The following CCDC15 variants were observed in gnomAD, a reference collection of about 807,000 sequenced individuals.
CCDC15 encodes coiled-coil domain-containing protein 15.
CCDC15 carries 105 observed loss-of-function variants against 114.5 expected under a neutral mutation model. The ratio of observed to expected loss-of-function variants is 0.92; its 90% CI spans 0.78 to 1.08. The LOEUF is 1.08. Among genes scored for constraint, CCDC15 ranks in the 50% least tolerant of loss-of-function variants. CCDC15 has a pLI of 0.00. For missense variants in CCDC15, 1,105 were observed against 1,093.6 expected, an observed-to-expected ratio of 1.01 and a Z score of -0.15; for synonymous variants, 334 against 377.8, an observed-to-expected ratio of 0.88 and a Z score of 1.34.
intron 6 of CCDC15, 51 bp from the exon 7 acceptor site, chr11:124,986,691 T>TA: frequency 8.2e-7 from 1 of 1,221,884 alleles, no homozygotes; most frequent in South Asian, 1.7e-5. Flanking sequence ...GTGTGTGTGT[T>TA]TGTGTGTGTG....
At chr11:125,005,253 T>C (rs1948541770) in intron 13 of CCDC15, 41 bp downstream of exon 13, 2 of 896,896 alleles carry the variant, frequency 2.2e-6, no homozygotes, top group Middle Eastern at 2.3e-4. Flanking sequence ...AAATTGCCAA[T>C]TAAGATGTTT....
chr11:124,997,661 A>G (rs1213054793), intron 11 of CCDC15, among the ~76,000 whole-genome samples: 2 of 152,114 alleles, frequency 1.3e-5, no homozygotes, highest in East Asian at 3.9e-4. Flanking sequence ...GATACTGCCA[A>G]CTGGGCATGG....
chr11:125,036,949 C>T (rs1241284233), intron 13 of CCDC15, among the ~76,000 whole-genome samples: 1 of 152,186 alleles, frequency 6.6e-6, no homozygotes, highest in African/African-American at 2.4e-5. Flanking sequence ...GGTCACACAT[C>T]TGTGTCTCTC....
At chr11:125,021,601 G>A (rs911848234) in intron 13 of CCDC15, among the ~76,000 whole-genome samples, 2 of 151,790 alleles carry the variant, frequency 1.3e-5, no homozygotes, top group Non-Finnish European at 2.9e-5. Flanking sequence ...GGATCTTAAG[G>A]CCATATTGGA....
At chr11:125,025,426 G>A (rs1296346781) in intron 13 of CCDC15, among the ~76,000 whole-genome samples, 2 of 151,704 alleles carry the variant, frequency 1.3e-5, no homozygotes, top group East Asian at 1.9e-4. Context: ...GGTAATGCTG[G>A]CCTTATAGGA....
intron 13 of CCDC15, among the ~76,000 whole-genome samples, chr11:125,022,184 A>C (rs1948665136): frequency 6.6e-6 from 1 of 151,938 alleles, no homozygotes; most frequent in African/African-American, 2.4e-5. Flanking sequence ...TTTTAAAGTC[A>C]AGTGTGATGT....
At chr11:125,004,887 A>G (rs1948534586) in intron 12 of CCDC15, among the ~76,000 whole-genome samples, 1 of 152,118 alleles carries the variant, frequency 6.6e-6, no homozygotes. Flanking sequence ...TGGTTTGCCT[A>G]TTAACATATA....
At chr11:125,015,674 T>C (rs1049501453) in intron 13 of CCDC15, among the ~76,000 whole-genome samples, 1 of 152,088 alleles carries the variant, frequency 6.6e-6, no homozygotes, top group African/African-American at 2.4e-5. Context: ...AGGGAAAAAA[T>C]AACATAAAGT....
chr11:124,986,684 T>G, intron 6 of CCDC15, 58 bp from the exon 7 acceptor site: 1 of 1,395,432 alleles, frequency 7.2e-7, no homozygotes, highest in Non-Finnish European at 9.6e-7. Context: ...TGTGTGTGTG[T>G]GTGTGTTTGT....
intron 11 of CCDC15, among the ~76,000 whole-genome samples, chr11:124,997,035 A>G (rs746451856): frequency 2.0e-5 from 3 of 152,196 alleles, no homozygotes; most frequent in African/African-American, 7.2e-5. Flanking sequence ...TCTGAGATTC[A>G]TTCATATTGC....
chr11:124,954,508 G>T, intron 1 of CCDC15, 138 bp downstream of exon 1: 1 of 390,930 alleles, frequency 2.6e-6, no homozygotes, highest in Non-Finnish European at 4.8e-6. Context: ...TCTTCTAGAA[G>T]GCAACTTAAA....
At chr11:125,034,055 C>T (rs1286444134) in intron 13 of CCDC15, among the ~76,000 whole-genome samples, 2 of 152,172 alleles carry the variant, frequency 1.3e-5, no homozygotes, top group Non-Finnish European at 2.9e-5. Context: ...GGGGATAGCT[C>T]CTGAGGAGAA....
At chr11:124,965,634 A>C (rs1291102956) in intron 4 of CCDC15, among the ~76,000 whole-genome samples, 1 of 151,408 alleles carries the variant, frequency 6.6e-6, no homozygotes, top group Non-Finnish European at 1.5e-5. Flanking sequence ...TTGTGTCTCT[A>C]TCTCCTTCAG....
intron 4 of CCDC15, among the ~76,000 whole-genome samples, chr11:124,971,195 TGTTA>T (rs990257406): frequency 3.9e-5 from 6 of 152,190 alleles, no homozygotes; most frequent in African/African-American, 1.2e-4. Flanking sequence ...GGCAATGGTT[TGTTA>T]GTTAGGAAAA....
At chr11:125,032,780 A>C (rs139457645) in intron 13 of CCDC15, among the ~76,000 whole-genome samples, 3,155 of 152,226 alleles carry the variant, frequency 0.021, 110 homozygotes, top group African/African-American at 0.071. Flanking sequence ...TGACCACAGG[A>C]TGAGTCTGGG....
At chr11:124,955,106 A>G (rs189785125) in intron 2 of CCDC15, among the ~76,000 whole-genome samples, 197 bp downstream of exon 2, 87 of 152,370 alleles carry the variant, frequency 5.7e-4, no homozygotes, top group African/African-American at 1.9e-3. Context: ...GGCATAATCA[A>G]ATATTTATTA....
intron 13 of CCDC15, 52 bp downstream of exon 13, chr11:125,005,264 T>C (rs1377077810): frequency 3.8e-6 from 3 of 799,972 alleles, no homozygotes; most frequent in Non-Finnish European, 5.9e-6. Flanking sequence ...TAAGATGTTT[T>C]TGGAAGATGA....
At chr11:124,999,824 A>C in intron 11 of CCDC15, among the ~76,000 whole-genome samples, 1 of 104,148 alleles carries the variant, frequency 9.6e-6, no homozygotes, top group Non-Finnish European at 2.0e-5. Context: ...GCTTTCTTCT[A>C]TGTCAACTAA....
intron 7 of CCDC15, 56 bp downstream of exon 7, chr11:124,986,944 ATGT>A (rs1326037422): frequency 1.9e-5 from 28 of 1,465,426 alleles, no homozygotes; most frequent in African/African-American, 4.3e-5. Flanking sequence ...ATTGCCAGTA[ATGT>A]TGTACTGATT....
Sources: gnomAD v4.1 joint callset for allele counts (sites outside exome capture counted in the v4.1 genomes callset) on GRCh38, gnomAD v4.1.1 for gene constraint, MANE v1.5 for transcripts, NCBI Gene and HGNC (gene_info 2026-07-23, HGNC 2026-07-21) for gene names.